The following LRRC49 variants were observed in gnomAD, a reference collection of about 807,000 sequenced individuals.
The protein encoded by LRRC49 is leucine-rich repeat-containing protein 49.
Under a neutral mutation model 83.3 loss-of-function variants are expected in LRRC49, and 50 were observed. The observed-to-expected ratio is 0.60, with a 90% confidence interval of 0.48 to 0.76. The LOEUF (loss-of-function observed/expected upper bound fraction) is 0.76. LRRC49 is among the 30% of genes least tolerant of loss of function. The pLI, the probability that LRRC49 is intolerant of heterozygous loss-of-function variation, is 0.00. For synonymous variants in LRRC49, 286 were observed against 283.3 expected (o/e 1.01, Z -0.10); for missense variants, 704 against 809.1 (o/e 0.87, Z 1.58).
chr15:70,976,548 T>A (rs2037213071), intron 9 of LRRC49, among the ~76,000 whole-genome samples: 3 of 152,218 alleles, frequency 2.0e-5, no homozygotes, highest in African/African-American at 7.2e-5. Flanking sequence ...GGCCTTAATA[T>A]CTGCTAACAA....
intron 8 of LRRC49, among the ~76,000 whole-genome samples, chr15:70,944,635 C>A (rs2035944519): frequency 6.6e-6 from 1 of 152,136 alleles, no homozygotes. Context: ...AAACTCCTGA[C>A]CTCAGATGAT....
intron 14 of LRRC49, among the ~76,000 whole-genome samples, chr15:71,021,387 A>G (rs947274857): frequency 2.4e-4 from 36 of 152,360 alleles, no homozygotes; most frequent in African/African-American, 8.4e-4. Flanking sequence ...ATAAGCAAAT[A>G]TATAGCTTCC....
intron 8 of LRRC49, 144 bp from the exon 9 acceptor site, chr15:70,963,641 C>T: frequency 1.4e-6 from 1 of 734,406 alleles, no homozygotes; most frequent in Non-Finnish European, 2.2e-6. Context: ...ATAGGGGAAA[C>T]TGGGTATGGG....
chr15:71,036,428 A>G (rs761317724), intron 14 of LRRC49, among the ~76,000 whole-genome samples: 2 of 152,180 alleles, frequency 1.3e-5, no homozygotes, highest in Non-Finnish European at 2.9e-5. Flanking sequence ...AGAAAAATAA[A>G]TGTTTAAAAA....
At chr15:70,876,044 CT>C (rs1265715392) in intron 2 of LRRC49, among the ~76,000 whole-genome samples, 2 of 152,058 alleles carry the variant, frequency 1.3e-5, no homozygotes, top group East Asian at 3.9e-4. Flanking sequence ...AGTGCATGTT[CT>C]TGGTCTCTCC....
At chr15:70,951,439 A>G (rs1383691475) in intron 8 of LRRC49, among the ~76,000 whole-genome samples, 2 of 152,108 alleles carry the variant, frequency 1.3e-5, no homozygotes, top group Non-Finnish European at 2.9e-5. Context: ...GATTTCTTTC[A>G]GCAATGCATT....
intron 15 of LRRC49, among the ~76,000 whole-genome samples, chr15:71,045,928 A>C (rs2039841792): frequency 6.6e-6 from 1 of 152,132 alleles, no homozygotes; most frequent in Non-Finnish European, 1.5e-5. Context: ...CCCACTTATA[A>C]GTGAGAATAT....
At chr15:70,965,334 A>G (rs951653518) in intron 9 of LRRC49, among the ~76,000 whole-genome samples, 1 of 152,166 alleles carries the variant, frequency 6.6e-6, no homozygotes, top group East Asian at 1.9e-4. Context: ...CTTGCCTGGC[A>G]CCTACAGATT....
Position 70,963,897 on chromosome 15 carries a change from A to G in LRRC49, c.886A>G (p.Met296Val), listed in dbSNP as rs776104198. The G allele has an allele frequency of 3.7e-6, 6 of 1,613,476 alleles. No individual in the cohort carries two copies. In the African/African-American group the frequency reaches 8.0e-5, roughly 22 times the overall value. ...CAAACACACTGTCCTTCAGAATATGATGCAGCTGCGCCAGCTAGATATGAA... is the reference window on the plus strand; with the variant it reads ...CAAACACACTGTCCTTCAGAATATGGTGCAGCTGCGCCAGCTAGATATGAA... ...WYKHTVLQNM[M>V]QLRQLDMKRI... Residue 296 changes from methionine (M) to valine (V), a missense_variant, in exon 9 of 16, where the codon ATG becomes GTG. This residue lies in a region of LRRC49 where 168 missense variants were observed against 140.6 expected (regional missense o/e 1.20). Coordinates refer to ENST00000260382, the MANE Select transcript of LRRC49 (RefSeq NM_017691.5).
chr15:70,955,351 G>T (rs2036363195), intron 8 of LRRC49, among the ~76,000 whole-genome samples: 1 of 152,180 alleles, frequency 6.6e-6, no homozygotes, highest in African/African-American at 2.4e-5. Context: ...AGCCCCTGAA[G>T]ACTTTTCCCT....
intron 14 of LRRC49, among the ~76,000 whole-genome samples, chr15:71,029,388 A>C (rs1308866044): frequency 6.6e-6 from 1 of 151,926 alleles, no homozygotes; most frequent in Non-Finnish European, 1.5e-5. Flanking sequence ...GGTGTGAGAG[A>C]CTGTTATGGT....
rs369816229 is a variant in LRRC49, at chr15:71,005,960, T to C, written c.1170-2419T>C. 1.6e-4 allele frequency among the ~76,000 whole-genome samples: 24 copies of C among 152,262 alleles called. 2 individuals are homozygous for C. The East Asian group carries it at 2.1e-3, about 13-fold the overall frequency. ...TCCCAGAGGAGCAAATTTGTAAACATTGACCAGAGTTTAAGGCTAAACTCA... is the reference window on the plus strand; with the variant it reads ...TCCCAGAGGAGCAAATTTGTAAACACTGACCAGAGTTTAAGGCTAAACTCA... On this transcript the variant is annotated intron_variant, in intron 11 of 15. Transcript: ENST00000260382.
intron 11 of LRRC49, among the ~76,000 whole-genome samples, chr15:70,999,239 C>T (rs1237769581): frequency 6.6e-6 from 1 of 152,132 alleles, no homozygotes; most frequent in Non-Finnish European, 1.5e-5. Context: ...TTGTATGCAT[C>T]ATATTTTTTG....
chr15:70,903,708 T>C (rs2141111503), intron 4 of LRRC49, among the ~76,000 whole-genome samples: 1 of 152,330 alleles, frequency 6.6e-6, no homozygotes, highest in East Asian at 1.9e-4. Context: ...GTATTTTCCT[T>C]GAGCTGTATT....
In LRRC49 at chr15:71,043,088, A is replaced by G. The variant is rs535965833; in HGVS notation, c.1857+5756A>G. The stretch of plus-strand genomic sequence containing the variant: ...TTTTTAGTTGACTTTTTATATGTGC[A>G]TGCCATCTCCCAACTAGACTGTAAG... On this transcript the variant is annotated intron_variant, in intron 15 of 15. Coordinates refer to ENST00000260382, the MANE Select transcript of LRRC49 (RefSeq NM_017691.5). 4.2e-4 allele frequency among the ~76,000 whole-genome samples: 64 copies of G among 152,302 alleles called. 2 individuals are homozygous for G. In the South Asian group the frequency reaches 0.013, roughly 30 times the overall value.
intron 11 of LRRC49, among the ~76,000 whole-genome samples, chr15:70,998,846 C>G (rs1280429604): frequency 1.3e-5 from 2 of 152,024 alleles, no homozygotes; most frequent in Admixed American, 6.5e-5. Flanking sequence ...TAGTGTCCCA[C>G]AGTTTTCCTG....
intron 14 of LRRC49, among the ~76,000 whole-genome samples, chr15:71,032,480 G>A (rs1161245506): frequency 2.6e-5 from 4 of 152,048 alleles, no homozygotes; most frequent in African/African-American, 9.7e-5. Flanking sequence ...CCAAACAATT[G>A]AAAAGGAGGG....
At chr15:70,915,157 T>G (rs1350768924) in intron 6 of LRRC49, among the ~76,000 whole-genome samples, 1 of 152,192 alleles carries the variant, frequency 6.6e-6, no homozygotes, top group Admixed American at 6.5e-5. Context: ...AACGAGTAAT[T>G]GACTTTATTC....
intron 14 of LRRC49, 119 bp downstream of exon 14, chr15:71,013,032 G>C: frequency 1.6e-6 from 1 of 640,326 alleles, no homozygotes; most frequent in Non-Finnish European, 2.7e-6. Flanking sequence ...TCCTAGACTG[G>C]CCTATTGAAA....
Sources: gnomAD v4.1 joint callset for allele counts (sites outside exome capture counted in the v4.1 genomes callset) on GRCh38, gnomAD v4.1.1 for gene constraint, gnomAD v4.1.1 regional missense constraint, MANE v1.5 for transcripts, NCBI Gene and HGNC (gene_info 2026-07-23, HGNC 2026-07-21) for gene names.